The following TMEM160 variants were observed in gnomAD, a reference collection of about 807,000 sequenced individuals.
The protein encoded by TMEM160 is transmembrane protein 160.
Under a neutral mutation model 13.9 loss-of-function variants are expected in TMEM160, and 10 were observed. That is an observed-to-expected ratio of 0.72 (90% CI 0.45 to 1.22). TMEM160 has a LOEUF of 1.22. Ranked by LOEUF, TMEM160 falls within the 50% of genes most tolerant of loss-of-function variation. The probability of loss-of-function intolerance (pLI) is 0.00; values close to 1 mark genes in which losing one functional copy is unlikely to be tolerated. For missense variants in TMEM160, 287 were observed against 283.2 expected, an observed-to-expected ratio of 1.01 and a Z score of -0.10; for synonymous variants, 159 against 134.8, an observed-to-expected ratio of 1.18 and a Z score of -1.25.
intron 1 of TMEM160, chr19:47,047,954 A>C: frequency 1.0e-6 from 1 of 983,948 alleles, no homozygotes; most frequent in Non-Finnish European, 1.2e-6. Context: ...TCCCCCTCCA[A>C]TCAGCAGAGA....
At chr19:47,047,646 T>C (rs549285044) in intron 1 of TMEM160, 1 of 919,032 alleles carries the variant, frequency 1.1e-6, no homozygotes, top group Admixed American at 6.2e-5. Flanking sequence ...AGCCCAAGAG[T>C]TCAGACCAGC....
intron 1 of TMEM160, chr19:47,047,517 T>G (rs1386079360): frequency 1.0e-6 from 1 of 971,538 alleles, no homozygotes; most frequent in East Asian, 1.1e-4. Context: ...CCGTCCCCAT[T>G]CACGTCCTTT....
At position 47,046,208 on chromosome 19, in the gene TMEM160, A is replaced by G; in HGVS notation, c.346T>C (p.Ser116Pro). 1 of 1,532,342 alleles carries G rather than the reference A, an allele frequency of 6.5e-7. No individual in the cohort carries two copies. Among genetic ancestry groups the G allele is most frequent in the Non-Finnish European group, 8.7e-7 (1 of 1,145,538 alleles). The allele number at this position is 1,532,342 out of a possible 1,614,324, so 94.9% of individuals were successfully genotyped here. ...AGCGCCGCCAGGCCCACGGCGTACG[A>G]GGCGCTGCCCCACACCACGCACAGG... is the stretch of plus-strand genomic sequence containing the variant. ...GGLCVVWGSA[S>P]YAVGLAALRG... The change falls in exon 3 of 3, where the codon TCG becomes CCG. Residue 116 changes from serine to proline, a missense_variant. Transcript: ENST00000253047.
In TMEM160 at chr19:47,046,254, T is replaced by C; in HGVS notation, c.302-2A>G. The C allele has an allele frequency of 6.5e-7, 1 of 1,534,980 alleles. No homozygotes were observed. On this transcript the variant is annotated splice_acceptor_variant, in intron 2 of 2. Transcript: ENST00000253047. LOFTEE classifies it high-confidence loss of function. ...ACAGGCCGCCCAGCAGGAAGAAGCC[T>C]GCGGGAGAGGCAGGGTAGCAACAGG...
intron 1 of TMEM160, 75 bp from the exon 2 acceptor site, chr19:47,046,760 C>T: frequency 9.0e-7 from 1 of 1,111,642 alleles, no homozygotes; most frequent in East Asian, 2.4e-5. Context: ...CCCAGTCAAA[C>T]TGAGGGGCCT....
chr19:47,048,598 C>T lies in TMEM160; in HGVS notation c.17G>A (p.Trp6Ter). 1 of 1,533,798 alleles carries T rather than the reference C, an allele frequency of 6.5e-7. No homozygotes were observed. Among genetic ancestry groups the T allele is most frequent in the Non-Finnish European group, 8.7e-7 (1 of 1,150,012 alleles). The change falls in exon 1 of 3, where the codon TGG becomes TAG. Residue 6 changes from tryptophan (W) to a stop codon, truncating the protein, a stop_gained. Transcript: ENST00000253047. LOFTEE classifies it high-confidence loss of function. MGGGW[W>*]WARAARLARL... The stretch of plus-strand genomic sequence containing the variant: ...GGCAAGGCGAGCGGCCCGAGCCCAC[C>T]ACCAGCCGCCTCCCATGATTCGCAC...
At position 47,048,514 on chromosome 19, in the gene TMEM160, C is replaced by T. The variant is rs1190642932; in HGVS notation, c.101G>A (p.Arg34Gln). 2.0e-6 allele frequency: 3 copies of T among 1,468,816 alleles called. No individual in the cohort carries two copies. The highest frequency in any genetic ancestry group is 1.3e-5 in the South Asian group (1 of 77,214). The allele number at this position is 1,468,816 out of a possible 1,614,324, so 91.0% of individuals were successfully genotyped here. A position where few individuals can be genotyped will look rare whatever the true frequency, so the allele number is the denominator to read the frequency against. Reference protein sequence around the residue: ...PPQRPRSGGARGSFAPGHGPR... With the variant: ...PPQRPRSGGAQGSFAPGHGPR... ...ACCGTGGCCGGGGGCGAAGGACCCCCGGGCGCCCCCGCTCCGGGGCCGCTG... is the reference window on the plus strand; with the variant it reads ...ACCGTGGCCGGGGGCGAAGGACCCCTGGGCGCCCCCGCTCCGGGGCCGCTG... Residue 34 changes from arginine to glutamine, a missense_variant, in exon 1 of 3, where the codon CGG becomes CAG. Physicochemically the swap from Arg to Gln is conservative, Grantham distance 43. Coordinates refer to ENST00000253047, the MANE Select transcript of TMEM160 (RefSeq NM_017854.2).
At chr19:47,046,834 CA>C in intron 1 of TMEM160, 149 bp from the exon 2 acceptor site, 1 of 644,926 alleles carries the variant, frequency 1.6e-6, no homozygotes, top group East Asian at 2.7e-5. Context: ...TCACCTCTTC[CA>C]GGAAGCCGCT....
rs73566540 is a variant in TMEM160, at chr19:47,048,131, G to A, written c.208+276C>T. Among the ~76,000 whole-genome samples the A allele has an allele frequency of 8.7e-3, 1,330 of 152,026 alleles. 14 individuals carry two copies. The highest frequency in any genetic ancestry group is 0.031 in the African/African-American group (1,270 of 41,406). The stretch of plus-strand genomic sequence containing the variant: ...CTCTCCCTGAAGCCCCTCTCCCCAC[G>A]GCAGGCGCGATTCTACGAGGCTGCC... On this transcript the variant is annotated intron_variant, in intron 1 of 2. Coordinates refer to ENST00000253047, the MANE Select transcript of TMEM160 (RefSeq NM_017854.2).
chr19:47,048,256 T>C (rs969394402), intron 1 of TMEM160, 151 bp downstream of exon 1: 19 of 706,630 alleles, frequency 2.7e-5, no homozygotes, highest in Middle Eastern at 8.3e-4. Context: ...ACCTGCGCTC[T>C]TGCAGTCTGC....
At chr19:47,047,106 A>C (rs1410867161) in intron 1 of TMEM160, among the ~76,000 whole-genome samples, 2 of 152,188 alleles carry the variant, frequency 1.3e-5, no homozygotes, top group Non-Finnish European at 2.9e-5. Context: ...GCTACTCAGG[A>C]AGCTGAGGGA....
Position 47,048,528 on chromosome 19 carries a change from C to A in TMEM160, c.87G>T (p.Arg29=), listed in dbSNP as rs748312951. The part of the protein sequence containing the change: ...RRSLLPPQRP[R]SGGARGSFAP... ...CGAAGGACCCCCGGGCGCCCCCGCT[C>A]CGGGGCCGCTGAGGCGGCAGTAGCG... The change falls in exon 1 of 3, where the codon CGG becomes CGT. Residue 29 remains arginine (R), a synonymous_variant. Transcript: ENST00000253047. The A allele has an allele frequency of 6.7e-7, 1 of 1,492,784 alleles. No individual in the cohort carries two copies. The highest frequency in any genetic ancestry group is 8.9e-7 in the Non-Finnish European group (1 of 1,128,614). 92.5% of individuals were successfully genotyped at this position (1,492,784 alleles called of 1,614,324 possible). A position where few individuals can be genotyped will look rare whatever the true frequency, so the allele number is the denominator to read the frequency against.
At chr19:47,047,257 A>G (rs909394580) in intron 1 of TMEM160, 27 of 985,156 alleles carry the variant, frequency 2.7e-5, no homozygotes, top group Admixed American at 2.5e-4. Flanking sequence ...GTGGAGGACA[A>G]TCTAGGGGCA....
chr19:47,046,555 C>G, intron 2 of TMEM160, 38 bp downstream of exon 2: 1 of 1,559,964 alleles, frequency 6.4e-7, no homozygotes, highest in Non-Finnish European at 8.8e-7. Flanking sequence ...CTCTGCATTC[C>G]CTGGTTCCGT....
chr19:47,048,263 C>T (rs979062085), intron 1 of TMEM160, 144 bp downstream of exon 1: 2 of 751,950 alleles, frequency 2.7e-6, no homozygotes, highest in Admixed American at 7.8e-5. Context: ...CTCTTGCAGT[C>T]TGCGCTTCCG....
At position 47,048,426 on chromosome 19, in the gene TMEM160, G is replaced by A. The variant is rs2057092599; in HGVS notation, c.189C>T (p.Leu63=). The A allele has an allele frequency of 2.0e-6, 3 of 1,467,660 alleles. No homozygotes were observed. The highest frequency in any genetic ancestry group is 2.6e-5 in the Admixed American group (1 of 39,168). The allele number at this position is 1,467,660 out of a possible 1,614,324, so 90.9% of individuals were successfully genotyped here. A position where few individuals can be genotyped will look rare whatever the true frequency, so the allele number is the denominator to read the frequency against. Residue 63 remains leucine, a synonymous_variant, in exon 1 of 3, where the codon CTC becomes CTT. Transcript: ENST00000253047. ...SELDRADAWL[L]RKAHETAFLS... is the part of the protein sequence containing the mutation. ...ACCGACCTGTCTCGTGCGCTTTTCG[G>A]AGGAGCCAGGCGTCCGCACGATCCA...
In TMEM160 at chr19:47,046,649, G is replaced by A. The variant is rs370113214; in HGVS notation, c.245C>T (p.Ser82Leu). The change falls in exon 2 of 3, where the codon TCG becomes TTG. Residue 82 changes from serine to leucine, a missense_variant. Coordinates refer to ENST00000253047, the MANE Select transcript of TMEM160 (RefSeq NM_017854.2). ...LSWFRNGLLA[S>L]GIGVISFMQS... ...CATGAAGGAGATGACCCCGATGCCC[G>A]ATGCCAGGAGGCCATTGCGGAACCA... is the stretch of plus-strand genomic sequence containing the variant. 5.6e-6 allele frequency: 9 copies of A among 1,613,146 alleles called. No individual in the cohort carries two copies. The highest frequency in any genetic ancestry group is 6.8e-6 in the Non-Finnish European group (8 of 1,179,870).
At chr19:47,047,537 C>T (rs2057087238) in intron 1 of TMEM160, 7 of 985,262 alleles carry the variant, frequency 7.1e-6, no homozygotes, top group Non-Finnish European at 8.4e-6. Context: ...TACAAACAGC[C>T]CACCACACCC....
chr19:47,047,656 C>G (rs1350257207), intron 1 of TMEM160: 3 of 878,196 alleles, frequency 3.4e-6, no homozygotes. Context: ...TTCAGACCAG[C>G]CTGGGCAACA....
Sources: allele counts gnomAD v4.1 joint callset (sites outside exome capture counted in the v4.1 genomes callset), GRCh38; gene constraint gnomAD v4.1.1; transcripts MANE v1.5; gene names NCBI Gene and HGNC (gene_info 2026-07-23, HGNC 2026-07-21).